Variants in MARCHF1 observed in about 807,000 individuals in gnomAD.
MARCHF1 encodes the protein membrane associated ring-CH-type finger 1.
In MARCHF1, 40 loss-of-function variants were observed where a neutral mutation model predicts 54.2. The ratio of observed to expected loss-of-function variants is 0.74; its 90% CI spans 0.57 to 0.96. MARCHF1 has a LOEUF of 0.96. MARCHF1 is among the 40% of genes least tolerant of loss of function. The probability of loss-of-function intolerance (pLI) is 0.00; values close to 1 mark genes in which losing one functional copy is unlikely to be tolerated. For missense variants in MARCHF1, 586 were observed against 656.5 expected (o/e 0.89, Z 1.17); for synonymous variants, 236 against 236.3 (o/e 1.00, Z 0.01).
chr4:163,942,666 T>A (rs1389622517), intron 3 of MARCHF1, among the ~76,000 whole-genome samples: 2 of 152,188 alleles, frequency 1.3e-5, no homozygotes, highest in Non-Finnish European at 2.9e-5. Flanking sequence ...GGGATATGCA[T>A]CTTCAATATG....
chr4:164,153,217 A>G (rs1425019558), intron 1 of MARCHF1, among the ~76,000 whole-genome samples: 1 of 152,074 alleles, frequency 6.6e-6, no homozygotes, highest in Non-Finnish European at 1.5e-5. Flanking sequence ...ATCTTCACTA[A>G]CCATCAACCA....
chr4:163,690,745 T>C (rs1561021649), intron 5 of MARCHF1, among the ~76,000 whole-genome samples: 1 of 152,214 alleles, frequency 6.6e-6, no homozygotes, highest in Non-Finnish European at 1.5e-5. Flanking sequence ...GCCTTAGACA[T>C]AATTTAACAG....
At chr4:163,854,681 A>G (rs1749722600) in intron 3 of MARCHF1, among the ~76,000 whole-genome samples, 1 of 152,236 alleles carries the variant, frequency 6.6e-6, no homozygotes, top group South Asian at 2.1e-4. Flanking sequence ...GCCATCTGAA[A>G]AAAAATTTAC....
rs184836150 is a variant in MARCHF1 at position 164,288,098 on chromosome 4, C to T, written c.-323+95772G>A. Among the ~76,000 whole-genome samples the T allele has an allele frequency of 3.3e-5, 5 of 152,222 alleles. No homozygotes were observed. The East Asian group carries it at 7.7e-4, about 24-fold the overall frequency. On this transcript the variant is annotated intron_variant, in intron 1 of 9. Coordinates refer to ENST00000514618, the MANE Select transcript of MARCHF1 (RefSeq NM_001394959.1). ...ACACAAAAATGTTACAGGCAGATTACATCCATGATCCACATGGTTCAAAAT... is the reference window on the plus strand; with the variant it reads ...ACACAAAAATGTTACAGGCAGATTATATCCATGATCCACATGGTTCAAAAT...
At chr4:164,051,193 T>C (rs533207189) in intron 2 of MARCHF1, among the ~76,000 whole-genome samples, 18 of 152,146 alleles carry the variant, frequency 1.2e-4, no homozygotes, top group South Asian at 4.1e-4. Context: ...ATGATGCTCA[T>C]CTCAAAGGTT....
chr4:164,070,620 A>G (rs1427179466), intron 2 of MARCHF1, among the ~76,000 whole-genome samples: 1 of 152,160 alleles, frequency 6.6e-6, no homozygotes, highest in East Asian at 1.9e-4. Flanking sequence ...TTAGATGATA[A>G]ATTACATGCT....
intron 5 of MARCHF1, among the ~76,000 whole-genome samples, chr4:163,644,772 G>C (rs1450153042): frequency 6.6e-6 from 1 of 152,164 alleles, no homozygotes; most frequent in African/African-American, 2.4e-5. Flanking sequence ...GACCTGAAAG[G>C]TCCATAGATG....
At chr4:163,912,538 G>A (rs1281365787) in intron 3 of MARCHF1, among the ~76,000 whole-genome samples, 1 of 152,154 alleles carries the variant, frequency 6.6e-6, no homozygotes, top group African/African-American at 2.4e-5. Context: ...AAATCCACAA[G>A]AGCTGACTTT....
chr4:163,790,358 T>C (rs1747742556), intron 4 of MARCHF1, among the ~76,000 whole-genome samples: 1 of 152,078 alleles, frequency 6.6e-6, no homozygotes. Flanking sequence ...CTCAATTACG[T>C]GGACAGAAAC....
rs565215087 is a variant in MARCHF1 at position 163,595,952 on chromosome 4, T to TA, written c.1011-10024dup. The stretch of plus-strand genomic sequence containing the variant: ...TAAAGATAAATAAACTATTTGCCCA[T>TA]AAAAAAAGTAAGATTATTAGAAGGA... On this transcript the variant is annotated intron_variant, in intron 7 of 9. Transcript: ENST00000514618. 2.8e-3 allele frequency among the ~76,000 whole-genome samples: 417 copies of TA among 151,282 alleles called. 1 individual carries two copies. Among genetic ancestry groups the TA allele is most frequent in the Non-Finnish European group, 4.2e-3 (284 of 67,854 alleles).
chr4:163,714,049 T>C (rs1745188142), intron 4 of MARCHF1, among the ~76,000 whole-genome samples: 1 of 152,218 alleles, frequency 6.6e-6, no homozygotes. Context: ...CCACAAGCTA[T>C]GTAACCTTGA....
intron 7 of MARCHF1, among the ~76,000 whole-genome samples, chr4:163,600,758 TA>T (rs1170390602): frequency 1.4e-4 from 21 of 152,222 alleles, no homozygotes; most frequent in African/African-American, 4.8e-4. Flanking sequence ...AGGGTCCAAA[TA>T]AGAACAAGCT....
intron 1 of MARCHF1, chr4:164,189,744 C>A: frequency 8.1e-7 from 1 of 1,233,788 alleles, no homozygotes; most frequent in Non-Finnish European, 1.2e-6. Context: ...TTCTGATAAT[C>A]AACCAACTGT....
chr4:164,313,901 A>G (rs923437574), intron 1 of MARCHF1, among the ~76,000 whole-genome samples: 5 of 152,172 alleles, frequency 3.3e-5, no homozygotes, highest in African/African-American at 1.2e-4. Context: ...ATCCCAGCTA[A>G]TCTGCTCTAG....
At chr4:164,349,344 T>G (rs1017860260) in intron 1 of MARCHF1, among the ~76,000 whole-genome samples, 3 of 152,206 alleles carry the variant, frequency 2.0e-5, no homozygotes, top group African/African-American at 7.2e-5. Context: ...CCTCTGCATT[T>G]TTATTCCTCT....
chr4:164,223,602 T>C (rs1485796821), intron 1 of MARCHF1, among the ~76,000 whole-genome samples: 1 of 151,944 alleles, frequency 6.6e-6, no homozygotes, highest in African/African-American at 2.4e-5. Context: ...TCTTGGCAGA[T>C]AGGTTCTCAT....
intron 1 of MARCHF1, among the ~76,000 whole-genome samples, chr4:164,266,627 A>G (rs1733618086): frequency 6.6e-6 from 1 of 152,170 alleles, no homozygotes. Context: ...TGTGAATTAA[A>G]TATTTATTTT....
At chr4:163,966,548 C>T (rs1752448128) in intron 3 of MARCHF1, among the ~76,000 whole-genome samples, 1 of 152,020 alleles carries the variant, frequency 6.6e-6, no homozygotes, top group Non-Finnish European at 1.5e-5. Flanking sequence ...ACAATGCTTC[C>T]CACATAACAG....
At chr4:163,976,985 T>C (rs997532547) in intron 3 of MARCHF1, among the ~76,000 whole-genome samples, 2 of 152,102 alleles carry the variant, frequency 1.3e-5, no homozygotes, top group East Asian at 1.9e-4. Flanking sequence ...TGTTAAGTCA[T>C]TAAGTTTTGG....
Sources: gnomAD v4.1 joint callset for allele counts (sites outside exome capture counted in the v4.1 genomes callset) on GRCh38, gnomAD v4.1.1 for gene constraint, MANE v1.5 for transcripts, NCBI Gene and HGNC (gene_info 2026-07-23, HGNC 2026-07-21) for gene names.